Variants in USP43 observed in about 807,000 individuals in gnomAD.
USP43 encodes ubiquitin carboxyl-terminal hydrolase 43.
In USP43, 33 loss-of-function variants were observed where a neutral mutation model predicts 90.7. The observed-to-expected ratio is 0.36, with a 90% CI of 0.28 to 0.49. USP43 has a LOEUF of 0.49. Ranked by LOEUF, USP43 falls within the 20% of genes least tolerant of loss-of-function variation. The probability of loss-of-function intolerance (pLI) is 0.98; values close to 1 mark genes in which losing one functional copy is unlikely to be tolerated. For missense variants in USP43, 1,274 were observed against 1,476.4 expected, an observed-to-expected ratio of 0.86 and a Z score of 2.25; for synonymous variants, 598 against 615.8, an observed-to-expected ratio of 0.97 and a Z score of 0.43.
intron 5 of USP43, 77 bp downstream of exon 5, chr17:9,676,958 C>T: frequency 6.5e-7 from 1 of 1,539,336 alleles, no homozygotes; most frequent in Non-Finnish European, 8.8e-7. Flanking sequence ...GCTGTTTAGG[C>T]CAATTTGTGG....
At chr17:9,677,892 C>T (rs1913893809) in intron 5 of USP43, among the ~76,000 whole-genome samples, 1 of 152,210 alleles carries the variant, frequency 6.6e-6, no homozygotes, top group Admixed American at 6.5e-5. Flanking sequence ...TGAGCCTCCC[C>T]ATCACCCCAG....
intron 9 of USP43, among the ~76,000 whole-genome samples, chr17:9,699,467 G>A (rs1199360547): frequency 6.6e-6 from 1 of 152,208 alleles, no homozygotes; most frequent in Non-Finnish European, 1.5e-5. Flanking sequence ...CATCTTAGTG[G>A]TAGTTTGGGA....
Position 9,672,132 on chromosome 17 carries a change from G to C in USP43, c.741-2759G>C, listed in dbSNP as rs1913476764. Among the ~76,000 whole-genome samples the C allele has an allele frequency of 3.9e-5, 6 of 152,204 alleles. No individual in the cohort carries two copies. In the South Asian group the frequency reaches 1.2e-3, roughly 32 times the overall value. On this transcript the variant is annotated intron_variant, in intron 3 of 14. Transcript: ENST00000285199. Reference sequence around the variant, plus strand: ...CTGCCTCAACTTCCCAAGTAGCTGGGATTACAGTCACCTGCCACCACGCCC... The same window carrying C: ...CTGCCTCAACTTCCCAAGTAGCTGGCATTACAGTCACCTGCCACCACGCCC...
At position 9,645,798 on chromosome 17, in the gene USP43, G is replaced by A. The variant is rs1276766568; in HGVS notation, c.166G>A (p.Asp56Asn). Residue 56 changes from aspartate (D) to asparagine (N), a missense_variant, in exon 1 of 15, where the codon GAC becomes AAC. Physicochemically the swap from Asp to Asn is conservative, Grantham distance 23 (BLOSUM62 1). Around this residue, in one of 6 missense-constraint regions of USP43, gnomAD observed 112 missense variants for 106.6 expected, o/e 1.05. Transcript: ENST00000285199. This position sits in a 1 kb window ranked among gnomAD's most constrained non-coding sequence, Gnocchi z 6.8. ...PRPQPGHCDGDGEGGFACAPG... is the reference protein window; with the variant it reads ...PRPQPGHCDGNGEGGFACAPG... Reference sequence around the variant, plus strand: ...GCCCCAGCCGGGACACTGTGATGGCGACGGTGAGGGGGGCTTCGCCTGCGC... The same window carrying A: ...GCCCCAGCCGGGACACTGTGATGGCAACGGTGAGGGGGGCTTCGCCTGCGC... 4 of 1,388,752 alleles carry A rather than the reference G, an allele frequency of 2.9e-6. No individual in the cohort carries two copies. The Admixed American group carries it at 1.2e-4, about 41-fold the overall frequency. 86.0% of individuals were successfully genotyped at this position (1,388,752 alleles called of 1,614,324 possible). A position where few individuals can be genotyped will look rare whatever the true frequency, so the allele number is the denominator to read the frequency against.
intron 8 of USP43, among the ~76,000 whole-genome samples, chr17:9,689,842 C>A (rs1261448370): frequency 6.6e-6 from 1 of 152,188 alleles, no homozygotes; most frequent in Non-Finnish European, 1.5e-5. Context: ...GCTGTCCAAA[C>A]AACAAGGCTC....
intron 2 of USP43, among the ~76,000 whole-genome samples, chr17:9,661,926 A>G (rs748611944): frequency 6.6e-6 from 1 of 152,158 alleles, no homozygotes; most frequent in Non-Finnish European, 1.5e-5. Flanking sequence ...GCTGACTCCA[A>G]CAAGAAGGGA....
intron 1 of USP43, chr17:9,647,061 C>CAAAAAAAAAAAAAAAAAAAAAAA (rs11305216): frequency 1.5e-4 from 12 of 79,786 alleles, no homozygotes; most frequent in Admixed American, 2.9e-4. Context: ...TTGCTTCCTG[C>CAAAAAAAAAAAAAAAAAAAAAAA]AAAAAAAAAA....
intron 9 of USP43, among the ~76,000 whole-genome samples, chr17:9,698,225 T>G (rs1327228264): frequency 1.3e-5 from 2 of 152,258 alleles, no homozygotes; most frequent in Non-Finnish European, 2.9e-5. Flanking sequence ...TTCTGGATAT[T>G]AGTCCTTTGT....
intron 13 of USP43, 142 bp from the exon 14 acceptor site, chr17:9,711,826 A>ATT (rs1916212434): frequency 2.2e-6 from 2 of 901,696 alleles, no homozygotes; most frequent in African/African-American, 3.5e-5. Flanking sequence ...CCTTGTTGAC[A>ATT]GGTTTCTGCA....
rs1385479697 is a variant in USP43, at chr17:9,701,484, A to G, written c.1795A>G (p.Arg599Gly). The change falls in exon 12 of 15, where the codon AGA (arginine) becomes GGA (glycine). Residue 599 changes from arginine (R) to glycine (G), a missense_variant. Physicochemically the swap from Arg to Gly is moderately radical, Grantham distance 125 (BLOSUM62 -2). Coordinates refer to ENST00000285199, the MANE Select transcript of USP43 (RefSeq NM_153210.5). The surrounding 1 kb of genome is among the most constrained non-coding windows in gnomAD (Gnocchi z 7.2). ...AAGGTTCTGCCAGGTGGGCGAGAGA[A>G]GAAACAAGCTCTCCACGCTGGTGAA... ...LKRFCQVGER[R>G]NKLSTLVKFP... 1.3e-6 allele frequency: 2 copies of G among 1,578,118 alleles called. No homozygotes were observed. The highest frequency in any genetic ancestry group is 1.7e-6 in the Non-Finnish European group (2 of 1,162,048).
At chr17:9,648,857 TTC>T (rs1037414504) in intron 1 of USP43, among the ~76,000 whole-genome samples, 34 of 150,834 alleles carry the variant, frequency 2.3e-4, no homozygotes, top group African/African-American at 7.8e-4. Context: ...CTGTTTCTCT[TTC>T]TCTCTCTCTT....
At chr17:9,711,338 A>G (rs769991174) in intron 13 of USP43, among the ~76,000 whole-genome samples, 22 of 152,232 alleles carry the variant, frequency 1.4e-4, no homozygotes, top group Admixed American at 4.6e-4. Flanking sequence ...GAAACAAAAA[A>G]CATATTTAGA....
chr17:9,706,617 C>T (rs1267659211), intron 12 of USP43, among the ~76,000 whole-genome samples: 1 of 149,808 alleles, frequency 6.7e-6, no homozygotes, highest in Admixed American at 6.7e-5. Flanking sequence ...TGCCATCTGC[C>T]CTATCAGATA....
intron 14 of USP43, among the ~76,000 whole-genome samples, chr17:9,717,714 G>C (rs774571084): frequency 5.9e-5 from 9 of 151,988 alleles, no homozygotes; most frequent in African/African-American, 9.7e-5. Flanking sequence ...TCCAGGGCTG[G>C]TTCCTGCCAT....
At chr17:9,682,688 C>G in intron 6 of USP43, 135 bp from the exon 7 acceptor site, 1 of 1,150,954 alleles carries the variant, frequency 8.7e-7, no homozygotes, top group Non-Finnish European at 1.2e-6. Context: ...ATCTCCTCCC[C>G]TAAAGCCCTC....
chr17:9,714,339 A>G (rs1597885824), intron 14 of USP43, among the ~76,000 whole-genome samples: 1 of 152,130 alleles, frequency 6.6e-6, no homozygotes, highest in Non-Finnish European at 1.5e-5. Context: ...TCATCAGCAC[A>G]TGGATGGAAC....
intron 10 of USP43, 93 bp downstream of exon 10, chr17:9,700,342 AG>A (rs2151987773): frequency 1.6e-6 from 2 of 1,253,152 alleles, no homozygotes; most frequent in East Asian, 2.6e-5. Flanking sequence ...GCACGGCTGC[AG>A]GCAGGGTGCA....
At chr17:9,693,101 A>C (rs776598031) in intron 8 of USP43, 26 bp from the exon 9 acceptor site, 2 of 1,587,404 alleles carry the variant, frequency 1.3e-6, no homozygotes, top group East Asian at 4.5e-5. Flanking sequence ...CTACGTAATG[A>C]TCCATGTCTG....
chr17:9,673,671 T>C (rs1913584976), intron 3 of USP43, among the ~76,000 whole-genome samples: 1 of 152,240 alleles, frequency 6.6e-6, no homozygotes, highest in Non-Finnish European at 1.5e-5. Flanking sequence ...GCAGGAATGA[T>C]ATGAGCACGG....
Sources: allele counts gnomAD v4.1 joint callset (sites outside exome capture counted in the v4.1 genomes callset), GRCh38; gene constraint gnomAD v4.1.1; regional missense constraint gnomAD v4.1.1; non-coding constraint Gnocchi (gnomAD v3.1); transcripts MANE v1.5; gene names NCBI Gene and HGNC (gene_info 2026-07-23, HGNC 2026-07-21).